The following RBM47 variants were observed in gnomAD, a reference collection of about 807,000 sequenced individuals.
RBM47 encodes RNA binding motif protein 47.
In RBM47, 21 loss-of-function variants were observed where a neutral mutation model predicts 47.1. The ratio of observed to expected loss-of-function variants is 0.45; its 90% CI spans 0.32 to 0.64. The LOEUF (loss-of-function observed/expected upper bound fraction) is 0.64. RBM47 is among the 30% of genes least tolerant of loss of function. The probability of loss-of-function intolerance (pLI) is 0.05; values close to 1 mark genes in which losing one functional copy is unlikely to be tolerated. For missense variants in RBM47, 708 were observed against 870.9 expected (o/e 0.81, Z 2.35); for synonymous variants, 375 against 361.7 (o/e 1.04, Z -0.42).
At chr4:40,460,242 G>A (rs999499771) in intron 3 of RBM47, among the ~76,000 whole-genome samples, 1 of 149,876 alleles carries the variant, frequency 6.7e-6, no homozygotes, top group African/African-American at 2.5e-5. Context: ...TTTTCTTTTG[G>A]CCTTAACTGA....
chr4:40,483,798 C>T (rs1182779488), intron 2 of RBM47, among the ~76,000 whole-genome samples: 1 of 152,182 alleles, frequency 6.6e-6, no homozygotes, highest in Non-Finnish European at 1.5e-5. Context: ...TTAAGTGTCA[C>T]ACTTCAGTAA....
At chr4:40,558,644 A>G (rs1184582367) in intron 1 of RBM47, among the ~76,000 whole-genome samples, 1 of 152,062 alleles carries the variant, frequency 6.6e-6, no homozygotes, top group Non-Finnish European at 1.5e-5. Flanking sequence ...CCTGGCCAAC[A>G]TGGTGAAACC....
At chr4:40,555,625 G>A (rs1730007010) in intron 1 of RBM47, among the ~76,000 whole-genome samples, 1 of 152,196 alleles carries the variant, frequency 6.6e-6, no homozygotes, top group Non-Finnish European at 1.5e-5. Context: ...GAAGTAACTT[G>A]CCCACATCAC....
At chr4:40,493,739 TC>T (rs554739820) in intron 2 of RBM47, among the ~76,000 whole-genome samples, 2 of 146,766 alleles carry the variant, frequency 1.4e-5, no homozygotes, top group Admixed American at 1.4e-4. Context: ...GGCACTGCAC[TC>T]CAGCCTGGGT....
chr4:40,581,624 T>G (rs1578007068), intron 1 of RBM47, among the ~76,000 whole-genome samples: 3 of 145,608 alleles, frequency 2.1e-5, no homozygotes, highest in African/African-American at 5.1e-5. Context: ...AAGGTGGGGG[T>G]GGTGGGGGAA....
intron 2 of RBM47, among the ~76,000 whole-genome samples, chr4:40,495,379 A>G (rs1722430021): frequency 6.6e-6 from 1 of 152,092 alleles, no homozygotes; most frequent in Non-Finnish European, 1.5e-5. Context: ...AGGCAGGTGG[A>G]TCACTTGAGG....
chr4:40,628,906 G>A lies in RBM47; in HGVS notation c.-240+490C>T, dbSNP rs1220536189. On this transcript the variant is annotated intron_variant, in intron 1 of 6. Transcript: ENST00000295971. This position sits in a 1 kb window ranked among gnomAD's most constrained non-coding sequence, Gnocchi z 4.0. ...TTCGTCAGTCCTACCCTTTTCTACA[G>A]GCTGAATTTTTAATTTGAAACAACT... 1.3e-5 allele frequency among the ~76,000 whole-genome samples: 2 copies of A among 152,058 alleles called. No homozygotes were observed. The highest frequency in any genetic ancestry group is 6.6e-5 in the Admixed American group (1 of 15,260).
At chr4:40,444,768 G>A (rs1201386586) in intron 3 of RBM47, among the ~76,000 whole-genome samples, 1 of 151,458 alleles carries the variant, frequency 6.6e-6, no homozygotes, top group South Asian at 2.1e-4. Context: ...GGATTCAAGC[G>A]ATTTATCTGC....
intron 2 of RBM47, among the ~76,000 whole-genome samples, chr4:40,472,869 A>G (rs1311220709): frequency 2.0e-5 from 3 of 152,176 alleles, no homozygotes; most frequent in Non-Finnish European, 4.4e-5. Context: ...TTGCCATGTG[A>G]CAGCAAATCA....
intron 1 of RBM47, among the ~76,000 whole-genome samples, chr4:40,566,290 C>T (rs1731097331): frequency 6.6e-6 from 1 of 152,130 alleles, no homozygotes; most frequent in African/African-American, 2.4e-5. Context: ...AAGTCACTGA[C>T]CAAAAGCCCT....
intron 2 of RBM47, among the ~76,000 whole-genome samples, chr4:40,510,358 T>C (rs1274543018): frequency 6.6e-6 from 1 of 152,180 alleles, no homozygotes; most frequent in Non-Finnish European, 1.5e-5. Context: ...CCTGTCCTTC[T>C]CATTTGTTTC....
At chr4:40,623,979 G>A (rs1284684880) in intron 1 of RBM47, among the ~76,000 whole-genome samples, 1 of 152,086 alleles carries the variant, frequency 6.6e-6, no homozygotes, top group Non-Finnish European at 1.5e-5. Context: ...AGCCTCCCTG[G>A]TAGCTGGGAT....
chr4:40,600,551 G>A (rs956106725), intron 1 of RBM47, among the ~76,000 whole-genome samples: 5 of 150,658 alleles, frequency 3.3e-5, no homozygotes, highest in African/African-American at 1.2e-4. Context: ...GGAGAATGGC[G>A]TGAACCCGGG....
chr4:40,523,947 A>T (rs1352860155), intron 2 of RBM47, among the ~76,000 whole-genome samples: 1 of 152,132 alleles, frequency 6.6e-6, no homozygotes, highest in Non-Finnish European at 1.5e-5. Context: ...GCCCAATTAA[A>T]CTTGAATTTC....
chr4:40,581,075 T>A (rs1388935230), intron 1 of RBM47, among the ~76,000 whole-genome samples: 3 of 151,692 alleles, frequency 2.0e-5, no homozygotes, highest in Admixed American at 1.3e-4. Flanking sequence ...TGGCCAGAGG[T>A]CATGAGCTGA....
rs59347616 is a variant in RBM47, at chr4:40,436,943, CA to C, written c.1124-297del. 1,458 of 386,086 alleles carry C rather than the reference CA, an allele frequency of 3.8e-3. 12 individuals carry two copies. Among genetic ancestry groups the C allele is most frequent in the African/African-American group, 6.4e-3 (283 of 44,258 alleles). 23.9% of individuals were successfully genotyped at this position (386,086 alleles called of 1,614,324 possible). A position where few individuals can be genotyped will look rare whatever the true frequency, so the allele number is the denominator to read the frequency against. ...CTACCCACCACCCCCTCCCCCCCGC[CA>C]AAAAAAAAACTGTGGCCAGGTGTGG... On this transcript the variant is annotated intron_variant, in intron 4 of 6. Transcript: ENST00000295971.
intron 2 of RBM47, among the ~76,000 whole-genome samples, chr4:40,503,692 T>C (rs946923417): frequency 1.2e-4 from 18 of 151,932 alleles, no homozygotes; most frequent in Non-Finnish European, 2.2e-4. Flanking sequence ...AAGAAACTCA[T>C]GGAAAGCATG....
At chr4:40,504,264 A>C in intron 2 of RBM47, among the ~76,000 whole-genome samples, 1 of 151,438 alleles carries the variant, frequency 6.6e-6, no homozygotes, top group East Asian at 1.9e-4. Context: ...CATGGAAGGG[A>C]AATGGTATCT....
At chr4:40,431,526 C>T (rs565711008) in intron 6 of RBM47, among the ~76,000 whole-genome samples, 38 of 152,000 alleles carry the variant, frequency 2.5e-4, no homozygotes, top group East Asian at 5.8e-4. Context: ...GGCATGGTGG[C>T]GTGCGCCTGT....
Sources: gnomAD v4.1 joint callset for allele counts (sites outside exome capture counted in the v4.1 genomes callset) on GRCh38, gnomAD v4.1.1 for gene constraint, Gnocchi (gnomAD v3.1) non-coding constraint, MANE v1.5 for transcripts, NCBI Gene and HGNC (gene_info 2026-07-23, HGNC 2026-07-21) for gene names.